Variants in NAV2 observed in about 807,000 individuals in gnomAD.
NAV2 encodes the protein neuron navigator 2.
In NAV2, 54 loss-of-function variants were observed where a neutral mutation model predicts 223.2. The ratio of observed to expected loss-of-function variants is 0.24; its 90% CI spans 0.19 to 0.30. The LOEUF is 0.30. NAV2 is among the 10% of genes least tolerant of loss of function. The pLI, the probability that NAV2 is intolerant of heterozygous loss-of-function variation, is 1.00. For synonymous variants in NAV2, 1,279 were observed against 1,239.3 expected (o/e 1.03, Z -0.67); for missense variants, 2,806 against 3,147.5 (o/e 0.89, Z 2.60).
chr11:19,821,372 C>A (rs984605476), intron 1 of NAV2, among the ~76,000 whole-genome samples: 2 of 151,860 alleles, frequency 1.3e-5, no homozygotes, highest in Non-Finnish European at 2.9e-5. Context: ...TCACCTGTTT[C>A]TCCCAGCACG....
chr11:19,499,154 T>A (rs2042887048), intron 1 of NAV2, among the ~76,000 whole-genome samples: 1 of 152,208 alleles, frequency 6.6e-6, no homozygotes, highest in African/African-American at 2.4e-5. Context: ...GCCACCTGTG[T>A]GGGCTGATTT....
At chr11:19,687,733 G>A (rs2049061368) in intron 1 of NAV2, among the ~76,000 whole-genome samples, 1 of 148,546 alleles carries the variant, frequency 6.7e-6, no homozygotes. Context: ...AAAGGGATGT[G>A]TGTACATGTG....
In NAV2 at chr11:19,460,293, T is replaced by G. The variant is rs1184724180; in HGVS notation, c.75+109266T>G. 2.6e-5 allele frequency among the ~76,000 whole-genome samples: 4 copies of G among 152,300 alleles called. No homozygotes were observed. The East Asian group carries it at 7.7e-4, about 29-fold the overall frequency. ...TGGGGTTGGGCTTTGAAGTCAGAGATCTGGGTCAAATCCAGCTTTCTTATT... is the reference window on the plus strand; with the variant it reads ...TGGGGTTGGGCTTTGAAGTCAGAGAGCTGGGTCAAATCCAGCTTTCTTATT... On this transcript the variant is annotated intron_variant, in intron 1 of 37. Transcript: ENST00000360655.
At chr11:19,594,369 C>G (rs1339010235) in intron 1 of NAV2, among the ~76,000 whole-genome samples, 1 of 151,680 alleles carries the variant, frequency 6.6e-6, no homozygotes, top group Non-Finnish European at 1.5e-5. Flanking sequence ...TCAACCGCAT[C>G]CTACCTTTCT....
intron 1 of NAV2, among the ~76,000 whole-genome samples, chr11:19,438,704 T>G (rs2702645): frequency 0.26 from 39,312 of 152,066 alleles, 5,424 homozygotes; most frequent in Non-Finnish European, 0.31. Context: ...TTATTTACAT[T>G]GACTGGTTTA....
upstream of NAV2, among the ~76,000 whole-genome samples, chr11:19,348,531 T>A (rs529919282): frequency 2.0e-4 from 31 of 152,306 alleles, no homozygotes; most frequent in Non-Finnish European, 7.3e-5. Context: ...ACTTGACCTC[T>A]CTTATCTTCA....
rs758314788 is a variant in NAV2 at position 20,118,126 on chromosome 11, C to G, written c.7165-7C>G. The G allele has an allele frequency of 1.9e-6, 3 of 1,613,662 alleles. No homozygotes were observed. Among genetic ancestry groups the G allele is most frequent in the Non-Finnish European group, 2.5e-6 (3 of 1,179,984 alleles). On this transcript the variant is annotated splice_region_variant and splice_polypyrimidine_tract_variant and intron_variant, in intron 37 of 37. Coordinates refer to ENST00000349880, the MANE Select transcript of NAV2 (RefSeq NM_145117.5). Reference sequence around the variant, plus strand: ...AAGCAGCTCATGCTTCTCCACTCTTCCCCTAGATGAACATGCTGATGAGGC... The same window carrying G: ...AAGCAGCTCATGCTTCTCCACTCTTGCCCTAGATGAACATGCTGATGAGGC...
chr11:19,578,986 A>G lies in NAV2; in HGVS notation c.75+227959A>G, dbSNP rs184923294. ...CCTAGATGTAAATGTGTGTGTGTGT[A>G]AGTTTCAACATCCAGGACTATCAGG... On this transcript the variant is annotated intron_variant, in intron 1 of 37. Transcript: ENST00000360655. Among the ~76,000 whole-genome samples, 4 of 152,302 alleles carry G rather than the reference A, an allele frequency of 2.6e-5. No individual in the cohort carries two copies. The East Asian group carries it at 7.7e-4, about 29-fold the overall frequency.
intron 1 of NAV2, among the ~76,000 whole-genome samples, chr11:19,786,158 T>A (rs971619025): frequency 6.6e-6 from 1 of 152,228 alleles, no homozygotes; most frequent in South Asian, 2.1e-4. Context: ...ACAATTGAAA[T>A]AGACTTCTTC....
At chr11:20,002,072 C>T (rs1483746851) in intron 11 of NAV2, among the ~76,000 whole-genome samples, 3 of 152,166 alleles carry the variant, frequency 2.0e-5, no homozygotes, top group African/African-American at 7.2e-5. Context: ...TGCAGAAATT[C>T]GGACTTCTAC....
chr11:19,489,931 A>C (rs1380077931), intron 1 of NAV2, among the ~76,000 whole-genome samples: 1 of 152,178 alleles, frequency 6.6e-6, no homozygotes, highest in African/African-American at 2.4e-5. Flanking sequence ...GTTAAACACT[A>C]TACAGGCATA....
At chr11:19,440,433 T>C (rs560744845) in intron 1 of NAV2, among the ~76,000 whole-genome samples, 1 of 152,234 alleles carries the variant, frequency 6.6e-6, no homozygotes, top group African/African-American at 2.4e-5. Context: ...GTAACTAGTA[T>C]TGTCCAAGCT....
At chr11:19,404,426 C>G (rs183791848) in intron 1 of NAV2, among the ~76,000 whole-genome samples, 2 of 152,112 alleles carry the variant, frequency 1.3e-5, no homozygotes, top group Non-Finnish European at 2.9e-5. Context: ...TGCCTCACTG[C>G]GAATAAGCAT....
chr11:20,079,415 T>C (rs1487886131), intron 24 of NAV2, among the ~76,000 whole-genome samples: 2 of 152,208 alleles, frequency 1.3e-5, no homozygotes, highest in Non-Finnish European at 2.9e-5. Flanking sequence ...GGTTTGACCC[T>C]ACAACTAGTG....
At chr11:19,638,874 T>C (rs1439670460) in intron 1 of NAV2, among the ~76,000 whole-genome samples, 1 of 152,076 alleles carries the variant, frequency 6.6e-6, no homozygotes, top group Non-Finnish European at 1.5e-5. Context: ...ACACCTGTAA[T>C]CCCAGCTACT....
At chr11:19,755,064 G>C (rs922828019) in intron 1 of NAV2, among the ~76,000 whole-genome samples, 2 of 152,160 alleles carry the variant, frequency 1.3e-5, no homozygotes, top group Non-Finnish European at 2.9e-5. Flanking sequence ...ATTGTGTCCA[G>C]ATCATGGCCC....
chr11:19,945,216 C>T, intron 8 of NAV2, among the ~76,000 whole-genome samples: 1 of 104,074 alleles, frequency 9.6e-6, no homozygotes, highest in Non-Finnish European at 1.8e-5. Flanking sequence ...CTTTCCTTTC[C>T]TTCCTTCTTT....
chr11:19,975,848 G>A (rs1035521643), intron 10 of NAV2, among the ~76,000 whole-genome samples: 33 of 152,210 alleles, frequency 2.2e-4, no homozygotes, highest in African/African-American at 7.7e-4. Flanking sequence ...CTCGAGGTCT[G>A]TGAGCCAACT....
chr11:19,834,465 C>G (rs1310242627), intron 2 of NAV2, among the ~76,000 whole-genome samples: 1 of 152,160 alleles, frequency 6.6e-6, no homozygotes, highest in African/African-American at 2.4e-5. Context: ...TTAGTAACCA[C>G]TTATTGAGCA....
Sources: gnomAD v4.1 joint callset for allele counts (sites outside exome capture counted in the v4.1 genomes callset) on GRCh38, gnomAD v4.1.1 for gene constraint, MANE v1.5 for transcripts, NCBI Gene and HGNC (gene_info 2026-07-23, HGNC 2026-07-21) for gene names.